Variants in CSMD1 observed in about 807,000 individuals in gnomAD.
The protein encoded by CSMD1 is CUB and sushi domain-containing protein 1.
A neutral mutation model predicts 417.5 loss-of-function variants in CSMD1; 213 were observed. That is an observed-to-expected ratio of 0.51 (90% CI 0.46 to 0.57). CSMD1 has a LOEUF of 0.57. CSMD1 is among the 20% of genes least tolerant of loss of function. The pLI is 0.00. For missense variants in CSMD1, 6,923 were observed against 4,529.7 expected (o/e 1.53, Z -15.17); for synonymous variants, 2,862 against 1,736.8 (o/e 1.65, Z -16.11).
chr8:3,607,940 C>A (rs1332508633), intron 8 of CSMD1, among the ~76,000 whole-genome samples: 1 of 151,974 alleles, frequency 6.6e-6, no homozygotes, highest in East Asian at 1.9e-4. Flanking sequence ...GAGGCCAAGG[C>A]AGGCGGATCA....
At chr8:4,627,927 A>G (rs1802218675) in intron 2 of CSMD1, among the ~76,000 whole-genome samples, 1 of 152,124 alleles carries the variant, frequency 6.6e-6, no homozygotes, top group African/African-American at 2.4e-5. Context: ...CCACTGCAGG[A>G]CGATGATCAG....
intron 6 of CSMD1, among the ~76,000 whole-genome samples, chr8:3,743,514 G>A (rs140343519): frequency 6.4e-4 from 98 of 152,252 alleles, no homozygotes; most frequent in African/African-American, 2.3e-3. Context: ...AAAGAATAAT[G>A]GAAAGAAACA....
intron 5 of CSMD1, among the ~76,000 whole-genome samples, chr8:3,898,588 G>C (rs960596073): frequency 6.6e-6 from 1 of 152,176 alleles, no homozygotes; most frequent in Non-Finnish European, 1.5e-5. Flanking sequence ...ATAGAAAAAA[G>C]ATTTGCCTGG....
chr8:3,917,211 C>A (rs1392908621), intron 5 of CSMD1, among the ~76,000 whole-genome samples: 1 of 152,192 alleles, frequency 6.6e-6, no homozygotes, highest in Non-Finnish European at 1.5e-5. Flanking sequence ...AAGTGTTTCC[C>A]ATGAGCCATT....
intron 5 of CSMD1, among the ~76,000 whole-genome samples, chr8:3,910,807 T>C (rs536686683): frequency 1.2e-4 from 18 of 152,286 alleles, no homozygotes; most frequent in East Asian, 3.9e-4. Flanking sequence ...TAACTTGTTA[T>C]TGGAGAGTGC....
chr8:3,530,762 C>A (rs1797946406), intron 10 of CSMD1, among the ~76,000 whole-genome samples: 1 of 152,226 alleles, frequency 6.6e-6, no homozygotes, highest in South Asian at 2.1e-4. Flanking sequence ...TTCCTGACCT[C>A]AGGTGATTCT....
intron 65 of CSMD1, among the ~76,000 whole-genome samples, chr8:2,953,710 AGC>A (rs1477593905): frequency 6.6e-6 from 1 of 152,240 alleles, no homozygotes; most frequent in Non-Finnish European, 1.5e-5. Context: ...TAATGCTTTT[AGC>A]AAAAGGTGCC....
At chr8:4,931,243 T>C (rs1213242552) in intron 1 of CSMD1, among the ~76,000 whole-genome samples, 1 of 152,230 alleles carries the variant, frequency 6.6e-6, no homozygotes, top group Non-Finnish European at 1.5e-5. Context: ...TGTTTTCTCC[T>C]TCAATTTTAA....
At chr8:4,167,042 A>G (rs1350183493) in intron 3 of CSMD1, among the ~76,000 whole-genome samples, 2 of 152,180 alleles carry the variant, frequency 1.3e-5, no homozygotes, top group Admixed American at 1.3e-4. Flanking sequence ...GACTGCTAGA[A>G]AACAGCAACA....
intron 1 of CSMD1, among the ~76,000 whole-genome samples, chr8:4,838,477 C>A (rs1800633768): frequency 6.6e-6 from 1 of 152,214 alleles, no homozygotes; most frequent in African/African-American, 2.4e-5. Flanking sequence ...GATGAAGATG[C>A]TTCAAACAAA....
At chr8:3,182,551 G>A (rs1162377350) in intron 36 of CSMD1, among the ~76,000 whole-genome samples, 1 of 148,762 alleles carries the variant, frequency 6.7e-6, no homozygotes, top group African/African-American at 2.5e-5. Flanking sequence ...CCCCAGGCAA[G>A]GACTCTGGCT....
At chr8:3,499,029 T>C (rs1796483210) in intron 10 of CSMD1, among the ~76,000 whole-genome samples, 2 of 152,220 alleles carry the variant, frequency 1.3e-5, no homozygotes, top group South Asian at 4.1e-4. Context: ...GAAAATGATT[T>C]TGTTCCCTTG....
At chr8:2,977,837 C>A (rs1256261561) in intron 55 of CSMD1, among the ~76,000 whole-genome samples, 2 of 152,164 alleles carry the variant, frequency 1.3e-5, no homozygotes, top group Non-Finnish European at 2.9e-5. Context: ...CTCAACATCA[C>A]TGATCATAAG....
rs761951273 is a variant in CSMD1 at position 3,348,172 on chromosome 8, T to C, written c.3305-11A>G. On this transcript the variant is annotated splice_polypyrimidine_tract_variant and intron_variant, in intron 21 of 69. Coordinates refer to ENST00000635120, the MANE Select transcript of CSMD1 (RefSeq NM_033225.6). Reference sequence around the variant, plus strand: ...TTGCTCCACATTCGGCTACAATAAATAGGACATGAGAGAAAGAGGATTCAA... The same window carrying C: ...TTGCTCCACATTCGGCTACAATAAACAGGACATGAGAGAAAGAGGATTCAA... 4 of 1,606,752 alleles carry C rather than the reference T, an allele frequency of 2.5e-6. No homozygotes were observed. The South Asian group carries it at 3.3e-5, about 13-fold the overall frequency.
chr8:4,360,719 C>A lies in CSMD1; in HGVS notation c.415+59234G>T, dbSNP rs541959407. Among the ~76,000 whole-genome samples, 32 of 152,248 alleles carry A rather than the reference C, an allele frequency of 2.1e-4. No homozygotes were observed. In the South Asian group the frequency reaches 6.4e-3, roughly 31 times the overall value. On this transcript the variant is annotated intron_variant, in intron 3 of 69. Coordinates refer to ENST00000635120, the MANE Select transcript of CSMD1 (RefSeq NM_033225.6). Reference sequence around the variant, plus strand: ...CATCTTAGCCAGGATGGTCTCCGATCTCCTGACCTCGTGATCCGCCTACCT... The same window carrying A: ...CATCTTAGCCAGGATGGTCTCCGATATCCTGACCTCGTGATCCGCCTACCT...
chr8:4,534,406 C>T (rs1031652224), intron 2 of CSMD1, among the ~76,000 whole-genome samples: 2 of 152,210 alleles, frequency 1.3e-5, no homozygotes, highest in African/African-American at 4.8e-5. Flanking sequence ...TGTTTTCACT[C>T]ATTCACCTTT....
intron 5 of CSMD1, among the ~76,000 whole-genome samples, chr8:3,942,586 T>C (rs990615514): frequency 6.6e-6 from 1 of 152,170 alleles, no homozygotes; most frequent in African/African-American, 2.4e-5. Flanking sequence ...GAGATAGATG[T>C]AGTTTTTCCT....
intron 12 of CSMD1, among the ~76,000 whole-genome samples, chr8:3,434,171 A>G (rs550976942): frequency 3.2e-4 from 48 of 152,366 alleles, no homozygotes; most frequent in South Asian, 6.2e-4. Flanking sequence ...TAAGGCCATC[A>G]TAGTAAATAT....
chr8:3,385,105 A>T lies in CSMD1; in HGVS notation c.2782+2389T>A, dbSNP rs867348877. On this transcript the variant is annotated intron_variant, in intron 18 of 69. Transcript: ENST00000635120. ...AATTTATATATAAAATATATATATAAATAAAAATATATATAATATATAAAT... is the reference window on the plus strand; with the variant it reads ...AATTTATATATAAAATATATATATATATAAAAATATATATAATATATAAAT... Among the ~76,000 whole-genome samples the T allele has an allele frequency of 5.3e-3, 493 of 93,382 alleles. 3 individuals carry two copies. The highest frequency in any genetic ancestry group is 0.033 in the Middle Eastern group (4 of 120). 61.3% of individuals were successfully genotyped at this position (93,382 alleles called of 152,430 possible). A position where few individuals can be genotyped will look rare whatever the true frequency, so the allele number is the denominator to read the frequency against.
Sources: gnomAD v4.1 joint callset for allele counts (sites outside exome capture counted in the v4.1 genomes callset) on GRCh38, gnomAD v4.1.1 for gene constraint, MANE v1.5 for transcripts, NCBI Gene and HGNC (gene_info 2026-07-23, HGNC 2026-07-21) for gene names.